Variants in ABTB3 observed in about 807,000 individuals in gnomAD.
ABTB3 encodes the protein ankyrin repeat and BTB domain containing 3.
At chr12:107,388,926 A>T in the ABTB3 span, among the ~76,000 whole-genome samples, 1 of 152,156 alleles carries the variant, frequency 6.6e-6, no homozygotes, top group Non-Finnish European at 1.5e-5. Flanking sequence ...ACAAAGATCA[A>T]ATGAGTTTGC....
At chr12:107,587,339 G>A in the ABTB3 span, among the ~76,000 whole-genome samples, 1 of 152,236 alleles carries the variant, frequency 6.6e-6, no homozygotes, top group Non-Finnish European at 1.5e-5. Context: ...GGGCAGGGGA[G>A]CCTGGAGTCA....
At chr12:107,492,266 T>C in the ABTB3 span, among the ~76,000 whole-genome samples, 5 of 152,220 alleles carry the variant, frequency 3.3e-5, no homozygotes, top group East Asian at 9.7e-4. Context: ...TCACCTCCAC[T>C]GACTGGAACC....
the ABTB3 span, among the ~76,000 whole-genome samples, chr12:107,557,886 C>A: frequency 6.6e-6 from 1 of 152,196 alleles, no homozygotes; most frequent in Non-Finnish European, 1.5e-5. Context: ...TGCCACCATA[C>A]TTTTGCTGCT....
chr12:107,398,900 A>G, the ABTB3 span, among the ~76,000 whole-genome samples: 3 of 152,248 alleles, frequency 2.0e-5, no homozygotes, highest in Non-Finnish European at 4.4e-5. Flanking sequence ...GAGACCACAG[A>G]CCCAGGGTTG....
chr12:107,495,303 G>A, the ABTB3 span, among the ~76,000 whole-genome samples: 3 of 152,134 alleles, frequency 2.0e-5, no homozygotes, highest in African/African-American at 7.2e-5. Context: ...GCTCAGCCAC[G>A]CTCTGGTGTT....
At chr12:107,539,827 C>G in the ABTB3 span, among the ~76,000 whole-genome samples, 3 of 152,320 alleles carry the variant, frequency 2.0e-5, no homozygotes, top group African/African-American at 7.2e-5. Flanking sequence ...TGTGTTTACA[C>G]AGGCTGGAGC....
the ABTB3 span, among the ~76,000 whole-genome samples, chr12:107,588,294 A>T: frequency 2.1e-4 from 32 of 152,180 alleles, 1 homozygote. Flanking sequence ...ACACATGTCA[A>T]CCCTTAACAC....
At chr12:107,573,246 C>A in the ABTB3 span, among the ~76,000 whole-genome samples, 3 of 152,134 alleles carry the variant, frequency 2.0e-5, no homozygotes, top group Non-Finnish European at 2.9e-5. Flanking sequence ...GCCAATTGTG[C>A]ATGATGGTGA....
At chr12:107,354,193 T>C in the ABTB3 span, among the ~76,000 whole-genome samples, 3 of 152,350 alleles carry the variant, frequency 2.0e-5, no homozygotes, top group South Asian at 6.2e-4. Context: ...CTCCTTGTGA[T>C]AATTTATTAT....
the ABTB3 span, among the ~76,000 whole-genome samples, chr12:107,537,160 T>A: frequency 6.8e-6 from 1 of 147,552 alleles, no homozygotes; most frequent in Non-Finnish European, 1.5e-5. Flanking sequence ...TCTTTGTATA[T>A]GGAATCTTAA....
At chr12:107,582,424 C>CTGAATCAT in the ABTB3 span, among the ~76,000 whole-genome samples, 1 of 152,144 alleles carries the variant, frequency 6.6e-6, no homozygotes, top group Non-Finnish European at 1.5e-5. Context: ...TCAGGCAGTC[C>CTGAATCAT]AGAGCCCTGG....
chr12:107,620,747 G>T, the ABTB3 span, among the ~76,000 whole-genome samples: 2 of 152,204 alleles, frequency 1.3e-5, no homozygotes, highest in African/African-American at 4.8e-5. Flanking sequence ...GGATTCACCC[G>T]TGCTGACACC....
the ABTB3 span, among the ~76,000 whole-genome samples, chr12:107,589,523 T>C: frequency 6.6e-6 from 1 of 152,198 alleles, no homozygotes; most frequent in African/African-American, 2.4e-5. Flanking sequence ...ATAATCAAAG[T>C]AGTTGAACAT....
chr12:107,476,364 C>T, the ABTB3 span, among the ~76,000 whole-genome samples: 5 of 152,074 alleles, frequency 3.3e-5, no homozygotes, highest in Admixed American at 2.0e-4. Context: ...GTGAGCATCT[C>T]GGAGGCATTT....
At chr12:107,345,467 TA>T in the ABTB3 span, among the ~76,000 whole-genome samples, 51 of 148,702 alleles carry the variant, frequency 3.4e-4, 1 homozygote, top group Middle Eastern at 7.0e-3. Flanking sequence ...TTGCAAGTGA[TA>T]AAAAAAAAAA....
the ABTB3 span, among the ~76,000 whole-genome samples, chr12:107,495,668 C>A: frequency 8.5e-5 from 13 of 152,168 alleles, no homozygotes; most frequent in African/African-American, 3.1e-4. Flanking sequence ...TCAGGGAAGC[C>A]CTTCTGTATC....
At chr12:107,594,441 A>C in the ABTB3 span, among the ~76,000 whole-genome samples, 1 of 152,198 alleles carries the variant, frequency 6.6e-6, no homozygotes, top group Non-Finnish European at 1.5e-5. Context: ...CAGTAGCAGC[A>C]TTAAACAGCA....
chr12:107,490,543 A>C, the ABTB3 span, among the ~76,000 whole-genome samples: 1 of 152,146 alleles, frequency 6.6e-6, no homozygotes, highest in Non-Finnish European at 1.5e-5. Flanking sequence ...GTGAGAGCCA[A>C]CCCAGGAAGC....
chr12:107,386,790 C>T, the ABTB3 span, among the ~76,000 whole-genome samples: 1 of 152,042 alleles, frequency 6.6e-6, no homozygotes, highest in African/African-American at 2.4e-5. Context: ...AGCTGCCACA[C>T]ACAGCTTTCT....
Sources: allele counts gnomAD v4.1 joint callset (sites outside exome capture counted in the v4.1 genomes callset), GRCh38; gene constraint gnomAD v4.1.1; transcripts MANE v1.5; gene names NCBI Gene and HGNC (gene_info 2026-07-23, HGNC 2026-07-21).